PTPRE: variants seen among roughly 807,000 people sequenced by gnomAD.
PTPRE encodes receptor-type tyrosine-protein phosphatase epsilon.
Under a neutral mutation model 102.0 loss-of-function variants are expected in PTPRE, and 51 were observed. The ratio of observed to expected loss-of-function variants is 0.50; its 90% confidence interval spans 0.40 to 0.63. The LOEUF (loss-of-function observed/expected upper bound fraction) is 0.63. Ranked by LOEUF, PTPRE falls within the 30% of genes least tolerant of loss-of-function variation. The pLI is 0.00. For synonymous variants in PTPRE, 345 were observed against 348.2 expected (o/e 0.99, Z 0.10); for missense variants, 752 against 915.1 (o/e 0.82, Z 2.30).
chr10:128,072,368 A>T, intron 16 of PTPRE, 154 bp downstream of exon 16: 1 of 697,998 alleles, frequency 1.4e-6, no homozygotes, highest in Non-Finnish European at 2.3e-6. Flanking sequence ...TAAAAAAAAA[A>T]GTGGCAAGGC....
intron 12 of PTPRE, 94 bp downstream of exon 12, chr10:128,068,380 G>A (rs1294509222): frequency 7.0e-7 from 1 of 1,424,856 alleles, no homozygotes; most frequent in African/African-American, 1.4e-5. Context: ...CAATATCAGG[G>A]TGGGCAGAGG....
At chr10:128,080,439 C>G (rs1341637334) in intron 20 of PTPRE, among the ~76,000 whole-genome samples, 2 of 152,240 alleles carry the variant, frequency 1.3e-5, no homozygotes, top group African/African-American at 4.8e-5. Flanking sequence ...CTACGTCCCC[C>G]TCACAGCAAG....
chr10:128,047,401 C>T lies in PTPRE; in HGVS notation c.121C>T (p.Pro41Ser), dbSNP rs376522974. The change falls in exon 4 of 21, where the codon CCG becomes TCG. Residue 41 changes from proline (P) to serine (S), a missense_variant. This residue lies in a region of PTPRE where 116 missense variants were observed against 90.8 expected (regional missense o/e 1.28). Coordinates refer to ENST00000254667, the MANE Select transcript of PTPRE (RefSeq NM_006504.6). Reference protein sequence around the residue: ...ETTTTSGPPDPGASQPLLAWL... With the variant: ...ETTTTSGPPDSGASQPLLAWL... ...TGCTTCTCCTGCAGGCCCTCCGGAC[C>T]CGGGCGCCTCCCAGCCGCTGCTGGC... 138 of 1,612,758 alleles carry T rather than the reference C, an allele frequency of 8.6e-5. No individual in the cohort carries two copies. The highest frequency in any genetic ancestry group is 1.0e-4 in the Non-Finnish European group (122 of 1,179,900).
chr10:127,982,632 G>A (rs952393701), intron 2 of PTPRE, among the ~76,000 whole-genome samples: 3 of 151,974 alleles, frequency 2.0e-5, no homozygotes, highest in Non-Finnish European at 4.4e-5. Context: ...AAAGGGCCTA[G>A]CCTTATCTCA....
At chr10:128,015,219 AAACT>A (rs1451636096) in intron 2 of PTPRE, among the ~76,000 whole-genome samples, 1 of 152,216 alleles carries the variant, frequency 6.6e-6, no homozygotes, top group African/African-American at 2.4e-5. Context: ...TTATAAGAGC[AAACT>A]AACTGAAACA....
At chr10:128,078,440 C>T (rs1851418003) in intron 19 of PTPRE, among the ~76,000 whole-genome samples, 2 of 152,268 alleles carry the variant, frequency 1.3e-5, no homozygotes, top group Non-Finnish European at 1.5e-5. Flanking sequence ...CTGCTGCACA[C>T]TTCTGCTGGC....
chr10:128,014,974 C>T (rs1564884473), intron 2 of PTPRE, among the ~76,000 whole-genome samples: 2 of 152,142 alleles, frequency 1.3e-5, no homozygotes, highest in Non-Finnish European at 2.9e-5. Context: ...GAGTGCATGC[C>T]ACACCCGGTC....
intron 11 of PTPRE, among the ~76,000 whole-genome samples, chr10:128,067,070 A>C (rs531234940): frequency 6.6e-6 from 1 of 151,536 alleles, no homozygotes; most frequent in South Asian, 2.1e-4. Flanking sequence ...ATGCACACGT[A>C]CACCCACACA....
chr10:128,017,482 C>T (rs1338634882), intron 2 of PTPRE, among the ~76,000 whole-genome samples: 2 of 152,058 alleles, frequency 1.3e-5, no homozygotes, highest in Non-Finnish European at 2.9e-5. Context: ...GTTTCAGGAT[C>T]ACAGCAAAAT....
intron 2 of PTPRE, among the ~76,000 whole-genome samples, chr10:128,035,754 G>T (rs1847161132): frequency 1.3e-5 from 2 of 152,238 alleles, no homozygotes; most frequent in East Asian, 3.8e-4. Flanking sequence ...TTTCGGGTTT[G>T]GTAGGGCCAG....
chr10:127,940,709 C>A (rs1848185640), intron 1 of PTPRE, among the ~76,000 whole-genome samples: 1 of 152,198 alleles, frequency 6.6e-6, no homozygotes, highest in Non-Finnish European at 1.5e-5. Context: ...GGGTCTTGCT[C>A]TGTTGCCCAA....
chr10:128,079,493 T>A (rs1169862281), intron 19 of PTPRE, 67 bp from the exon 20 acceptor site: 5 of 1,572,128 alleles, frequency 3.2e-6, no homozygotes, highest in Non-Finnish European at 4.3e-6. Flanking sequence ...GGGTTGGCTG[T>A]CAGCTCTCCA....
At chr10:128,055,392 C>T (rs1018908485) in intron 6 of PTPRE, among the ~76,000 whole-genome samples, 1 of 152,152 alleles carries the variant, frequency 6.6e-6, no homozygotes, top group African/African-American at 2.4e-5. Flanking sequence ...ATAGGGGCCC[C>T]GCGGCATTCC....
chr10:127,970,461 G>A (rs1027841576), intron 1 of PTPRE, among the ~76,000 whole-genome samples: 1 of 151,910 alleles, frequency 6.6e-6, no homozygotes, highest in Non-Finnish European at 1.5e-5. Flanking sequence ...GGCCAACTGA[G>A]CTCTCCTCCC....
In PTPRE at chr10:127,983,150, T is replaced by G. The variant is rs547359532; in HGVS notation, c.-8+854T>G. ...ATTGTTCCCTGGCTGGCCCTCTTTTTTAGGCAGGGTGCCCTTTGTGGCACT... is the reference window on the plus strand; with the variant it reads ...ATTGTTCCCTGGCTGGCCCTCTTTTGTAGGCAGGGTGCCCTTTGTGGCACT... On this transcript the variant is annotated intron_variant, in intron 2 of 20. Transcript: ENST00000254667. Among the ~76,000 whole-genome samples the G allele has an allele frequency of 4.6e-5, 7 of 152,320 alleles. No individual in the cohort carries two copies. In the South Asian group the frequency reaches 1.5e-3, roughly 32 times the overall value.
At chr10:128,039,447 T>C (rs1480216233) in intron 2 of PTPRE, among the ~76,000 whole-genome samples, 3 of 152,182 alleles carry the variant, frequency 2.0e-5, no homozygotes, top group Non-Finnish European at 4.4e-5. Context: ...TGTGGCTCAT[T>C]TTACAAATCT....
chr10:128,030,319 T>C (rs977449985), intron 2 of PTPRE, among the ~76,000 whole-genome samples: 6 of 152,210 alleles, frequency 3.9e-5, no homozygotes, highest in Admixed American at 2.0e-4. Flanking sequence ...TGGGATTCTC[T>C]TGTTTCACTC....
chr10:128,078,043 T>C lies in PTPRE; in HGVS notation c.1892+260T>C, dbSNP rs578014051. Among the ~76,000 whole-genome samples the C allele has an allele frequency of 2.7e-3, 404 of 152,332 alleles. 1 individual carries two copies. The highest frequency in any genetic ancestry group is 4.3e-3 in the Non-Finnish European group (292 of 68,028). On this transcript the variant is annotated intron_variant, in intron 19 of 20. Coordinates refer to ENST00000254667, the MANE Select transcript of PTPRE (RefSeq NM_006504.6). The stretch of plus-strand genomic sequence containing the variant: ...TCAGAGGGTGGAGTTGGGAAACCAC[T>C]CAAACACACATTTCCATGTGCTTTT...
At chr10:127,943,562 C>T (rs752818280) in intron 1 of PTPRE, among the ~76,000 whole-genome samples, 16 of 152,306 alleles carry the variant, frequency 1.1e-4, no homozygotes, top group Non-Finnish European at 7.4e-5. Context: ...TGAGACAATG[C>T]GGTGGTCATG....
Sources: gnomAD v4.1 joint callset for allele counts (sites outside exome capture counted in the v4.1 genomes callset) on GRCh38, gnomAD v4.1.1 for gene constraint, gnomAD v4.1.1 regional missense constraint, MANE v1.5 for transcripts, NCBI Gene and HGNC (gene_info 2026-07-23, HGNC 2026-07-21) for gene names.